Variants in KIF6 observed in about 807,000 individuals in gnomAD.
KIF6 encodes the protein kinesin family member 6.
Under a neutral mutation model 112.7 loss-of-function variants are expected in KIF6, and 106 were observed. The ratio of observed to expected loss-of-function variants is 0.94; its 90% CI spans 0.80 to 1.11. KIF6 has a LOEUF of 1.11. Ranked by LOEUF, KIF6 falls within the 50% of genes least tolerant of loss-of-function variation. The pLI, the probability that KIF6 is intolerant of heterozygous loss-of-function variation, is 0.00. For synonymous variants in KIF6, 339 were observed against 339.9 expected, an observed-to-expected ratio of 1.00 and a Z score of 0.03; for missense variants, 929 against 964.0, an observed-to-expected ratio of 0.96 and a Z score of 0.48.
intron 3 of KIF6, among the ~76,000 whole-genome samples, chr6:39,703,380 G>A (rs531719023): frequency 9.5e-4 from 144 of 152,148 alleles, no homozygotes; most frequent in Non-Finnish European, 1.4e-3. Flanking sequence ...GGGTAACCCC[G>A]CAGAAACCAA....
At chr6:39,397,506 A>T (rs1768360174) in intron 15 of KIF6, among the ~76,000 whole-genome samples, 1 of 151,630 alleles carries the variant, frequency 6.6e-6, no homozygotes, top group Admixed American at 6.6e-5. Context: ...TTCAGGAGTG[A>T]CATATTTCAG....
intron 15 of KIF6, among the ~76,000 whole-genome samples, chr6:39,414,847 A>G (rs1769784038): frequency 6.6e-6 from 1 of 152,110 alleles, no homozygotes; most frequent in Non-Finnish European, 1.5e-5. Context: ...TTGGACAGAA[A>G]TTCTAGTCTG....
At chr6:39,499,928 A>G (rs910229908) in intron 13 of KIF6, among the ~76,000 whole-genome samples, 1 of 152,222 alleles carries the variant, frequency 6.6e-6, no homozygotes, top group Non-Finnish European at 1.5e-5. Context: ...AGAGGAAGGT[A>G]TAAGCAATGT....
At position 39,684,708 on chromosome 6, in the gene KIF6, T is replaced by C. The variant is rs558628368; in HGVS notation, c.251+29984A>G. 2.0e-3 allele frequency among the ~76,000 whole-genome samples: 297 copies of C among 151,630 alleles called. 1 individual carries two copies. The highest frequency in any genetic ancestry group is 6.2e-3 in the African/African-American group (258 of 41,292). On this transcript the variant is annotated intron_variant, in intron 3 of 22. Transcript: ENST00000287152. ...TGGAGGCTGAGGCAGGAGAATCACT[T>C]GAACCTGGGGGACGGAGGTTGCAGT...
At chr6:39,660,138 C>T (rs1786047000) in intron 3 of KIF6, among the ~76,000 whole-genome samples, 1 of 152,142 alleles carries the variant, frequency 6.6e-6, no homozygotes, top group Non-Finnish European at 1.5e-5. Context: ...GAGTGAGACC[C>T]TGTCTCTAAA....
intron 13 of KIF6, among the ~76,000 whole-genome samples, chr6:39,532,337 T>C (rs531199041): frequency 4.5e-4 from 69 of 152,336 alleles, no homozygotes; most frequent in African/African-American, 1.5e-3. Context: ...GCTGTGGCCA[T>C]AGTAATACTA....
intron 13 of KIF6, among the ~76,000 whole-genome samples, chr6:39,464,814 G>GA (rs997937872): frequency 8.6e-5 from 13 of 152,022 alleles, no homozygotes; most frequent in African/African-American, 2.7e-4. Context: ...ACCTACAATG[G>GA]AAAAAAAGCC....
chr6:39,594,934 G>A lies in KIF6; in HGVS notation c.846+1120C>T, dbSNP rs544299775. 1.3e-4 allele frequency among the ~76,000 whole-genome samples: 20 copies of A among 152,018 alleles called. 1 individual carries two copies. Among genetic ancestry groups the A allele is most frequent in the Admixed American group, 1.2e-3 (19 of 15,264 alleles). On this transcript the variant is annotated intron_variant, in intron 7 of 22. Coordinates refer to ENST00000287152, the MANE Select transcript of KIF6 (RefSeq NM_145027.6). ...ACTCAAAAAGCTAAATGGAACTTGA[G>A]AAATCATCTAATTCAATCCACTCAT... is the stretch of plus-strand genomic sequence containing the variant.
chr6:39,425,793 CA>C (rs549490182), intron 14 of KIF6, among the ~76,000 whole-genome samples: 2,921 of 62,872 alleles, frequency 0.046, 40 homozygotes, highest in African/African-American at 0.091. Flanking sequence ...GATGTAAATA[CA>C]AAAAAAAAAA....
intron 5 of KIF6, among the ~76,000 whole-genome samples, chr6:39,614,295 G>A (rs533172672): frequency 7.2e-5 from 11 of 152,284 alleles, no homozygotes; most frequent in Non-Finnish European, 7.4e-5. Flanking sequence ...TTGCCAAAGA[G>A]TATCTCAGGT....
chr6:39,445,856 C>A (rs1772275786), intron 13 of KIF6, among the ~76,000 whole-genome samples: 2 of 152,206 alleles, frequency 1.3e-5, no homozygotes. Context: ...CTGGCAGGAC[C>A]TTGGGGATTT....
intron 15 of KIF6, among the ~76,000 whole-genome samples, chr6:39,415,310 A>T (rs866854358): frequency 1.3e-5 from 2 of 149,790 alleles, no homozygotes; most frequent in Admixed American, 1.3e-4. Context: ...GTAAAAAAAA[A>T]AAAAAAAAAA....
chr6:39,401,226 T>C (rs1439921608), intron 15 of KIF6, among the ~76,000 whole-genome samples: 1 of 152,248 alleles, frequency 6.6e-6, no homozygotes, highest in Non-Finnish European at 1.5e-5. Flanking sequence ...CTTTCTGCAG[T>C]TGCTCAAGTC....
intron 16 of KIF6, among the ~76,000 whole-genome samples, chr6:39,367,728 T>C (rs1419197114): frequency 1.3e-5 from 2 of 152,196 alleles, no homozygotes; most frequent in South Asian, 4.1e-4. Flanking sequence ...TAATTTCTAC[T>C]GGAAAGATCT....
At chr6:39,557,328 G>A (rs1779758689) in intron 10 of KIF6, among the ~76,000 whole-genome samples, 1 of 152,076 alleles carries the variant, frequency 6.6e-6, no homozygotes, top group Non-Finnish European at 1.5e-5. Context: ...ATTGAGTTCT[G>A]TATTAATTGA....
rs535623674 is a variant in KIF6 at position 39,521,659 on chromosome 6, G to C, written c.1645+18344C>G. On this transcript the variant is annotated intron_variant, in intron 13 of 22. Coordinates refer to ENST00000287152, the MANE Select transcript of KIF6 (RefSeq NM_145027.6). The stretch of plus-strand genomic sequence containing the variant: ...CCCAAGCCTTTCTGGGCAGTACCTT[G>C]GTTCCAACTTCCACAGGATGCTGTG... 9.9e-5 allele frequency among the ~76,000 whole-genome samples: 15 copies of C among 152,246 alleles called. No homozygotes were observed. In the South Asian group the frequency reaches 3.1e-3, roughly 32 times the overall value.
chr6:39,551,897 A>C (rs1779403748), intron 10 of KIF6, among the ~76,000 whole-genome samples: 1 of 152,250 alleles, frequency 6.6e-6, no homozygotes, highest in Non-Finnish European at 1.5e-5. Context: ...CAGATAATGC[A>C]AGGAACGAAG....
At chr6:39,721,451 T>G (rs1040938040) in intron 1 of KIF6, among the ~76,000 whole-genome samples, 5 of 152,210 alleles carry the variant, frequency 3.3e-5, no homozygotes, top group African/African-American at 1.2e-4. Context: ...CTTTCTAAGC[T>G]GATATGGAAA....
At chr6:39,492,047 G>C (rs1329246672) in intron 13 of KIF6, among the ~76,000 whole-genome samples, 1 of 152,134 alleles carries the variant, frequency 6.6e-6, no homozygotes, top group East Asian at 1.9e-4. Context: ...GTTAAGAAAT[G>C]GCTTCCTGGA....
Sources: gnomAD v4.1 joint callset for allele counts (sites outside exome capture counted in the v4.1 genomes callset) on GRCh38, gnomAD v4.1.1 for gene constraint, MANE v1.5 for transcripts, NCBI Gene and HGNC (gene_info 2026-07-23, HGNC 2026-07-21) for gene names.